Variants in EXOC1 observed in about 807,000 individuals in gnomAD.
EXOC1 encodes the protein exocyst complex component 1.
In EXOC1, 67 loss-of-function variants were observed where a neutral mutation model predicts 107.7. That is an observed-to-expected ratio of 0.62 (90% CI 0.51 to 0.76). The LOEUF is 0.76. EXOC1 is among the 30% of genes least tolerant of loss of function. The pLI is 0.00. For synonymous variants in EXOC1, 348 were observed against 353.5 expected (o/e 0.98, Z 0.17); for missense variants, 833 against 1,055.7 (o/e 0.79, Z 2.92).
chr4:55,856,276 C>T (rs1374629012), intron 1 of EXOC1, among the ~76,000 whole-genome samples: 2 of 152,130 alleles, frequency 1.3e-5, no homozygotes. Flanking sequence ...AGCTGGTCTA[C>T]AAACAGGGTG....
At position 55,872,097 on chromosome 4, in the gene EXOC1, A is replaced by G. The variant is rs1577712835; in HGVS notation, c.1074+139A>G. The G allele has an allele frequency of 8.8e-6, 7 of 798,118 alleles. No individual in the cohort carries two copies. The East Asian group carries it at 1.9e-4, about 22-fold the overall frequency. 49.4% of individuals were successfully genotyped at this position (798,118 alleles called of 1,614,324 possible). On this transcript the variant is annotated intron_variant, in intron 8 of 18. Coordinates refer to ENST00000381295, the MANE Select transcript of EXOC1 (RefSeq NM_001024924.2). ...ACATATTTGATTTTAAGATTTTGAA[A>G]TAGGAGCCTCTTTGCTCATAGATGT...
intron 18 of EXOC1, 138 bp downstream of exon 18, chr4:55,902,676 G>A (rs1263291874): frequency 9.0e-6 from 5 of 552,842 alleles, no homozygotes; most frequent in African/African-American, 2.0e-5. Context: ...AATGAATTGT[G>A]AGGAAGAAAG....
chr4:55,875,886 A>G (rs1341164747), intron 8 of EXOC1: 1 of 894,768 alleles, frequency 1.1e-6, no homozygotes, highest in Non-Finnish European at 1.3e-6. Flanking sequence ...GCAGCATAGT[A>G]AGACTCCATC....
chr4:55,880,606 CT>C (rs1489449234), intron 9 of EXOC1, among the ~76,000 whole-genome samples: 1 of 152,104 alleles, frequency 6.6e-6, no homozygotes, highest in Non-Finnish European at 1.5e-5. Flanking sequence ...GCTTTGTCCC[CT>C]AGTGAATATT....
At chr4:55,889,013 T>C (rs1459657558) in intron 11 of EXOC1, 81 bp downstream of exon 11, 1 of 1,475,614 alleles carries the variant, frequency 6.8e-7, no homozygotes, top group Non-Finnish European at 9.4e-7. Context: ...TGAAAAAAGG[T>C]AACACCAAAA....
chr4:55,869,646 T>C (rs956332459), intron 5 of EXOC1, among the ~76,000 whole-genome samples: 8 of 152,190 alleles, frequency 5.3e-5, no homozygotes, highest in Non-Finnish European at 1.0e-4. Flanking sequence ...GATTTTAAGA[T>C]GTTAAGGAAG....
Position 55,883,575 on chromosome 4 carries a change from GGTA to G in EXOC1, c.1225-247_1225-245del, listed in dbSNP as rs1306397958. On this transcript the variant is annotated intron_variant, in intron 9 of 18. Coordinates refer to ENST00000381295, the MANE Select transcript of EXOC1 (RefSeq NM_001024924.2). ...ACAGTGATATTTAAAATATGCAAAA[GGTA>G]ATATAGAAAAATGAAAATATAAATA... 2.0e-5 allele frequency: 6 copies of G among 302,324 alleles called. No individual in the cohort carries two copies. In the East Asian group the frequency reaches 4.8e-4, roughly 24 times the overall value. 18.7% of individuals were successfully genotyped at this position (302,324 alleles called of 1,614,324 possible). A position where few individuals can be genotyped will look rare whatever the true frequency, so the allele number is the denominator to read the frequency against.
In EXOC1 at chr4:55,899,897, T is replaced by C; in HGVS notation, c.2337+13T>C. On this transcript the variant is annotated intron_variant, in intron 17 of 18. Transcript: ENST00000381295. ...TGAAAAACTAAATGTAAATATATTT[T>C]CATTCAGTATTTTTCCTACTTTTGA... The C allele has an allele frequency of 6.3e-7, 1 of 1,588,916 alleles. No homozygotes were observed. The highest frequency in any genetic ancestry group is 1.4e-5 in the African/African-American group (1 of 74,024).
chr4:55,854,686 T>A (rs1168576695), intron 1 of EXOC1, among the ~76,000 whole-genome samples: 5 of 152,236 alleles, frequency 3.3e-5, no homozygotes, highest in Admixed American at 6.5e-5. Context: ...GGCTAACTCC[T>A]TTATGAGGTA....
chr4:55,895,709 A>G (rs1725122379), intron 15 of EXOC1, among the ~76,000 whole-genome samples: 1 of 152,228 alleles, frequency 6.6e-6, no homozygotes, highest in Non-Finnish European at 1.5e-5. Context: ...TAGAACCATA[A>G]TTGAATCCGT....
chr4:55,868,405 A>T lies in EXOC1; in HGVS notation c.485A>T (p.Glu162Val). The change falls in exon 5 of 19, where the codon GAG (glutamate) becomes GTG (valine). Residue 162 changes from glutamate to valine, a missense_variant. By Grantham distance (121) the Glu-to-Val change is moderately radical. Around this residue, in one of 2 missense-constraint regions of EXOC1, gnomAD observed 617 missense variants for 701.3 expected, o/e 0.88. Transcript: ENST00000381295. Reference sequence around the variant, plus strand: ...GAAGAAGTAGTAGATGAATACCAAGAGTTAAATGCAAGAGAAGAACAGGAT... The same window carrying T: ...GAAGAAGTAGTAGATGAATACCAAGTGTTAAATGCAAGAGAAGAACAGGAT... ...GDEEVVDEYQELNAREEQDIE... is the reference protein window; with the variant it reads ...GDEEVVDEYQVLNAREEQDIE... 6.2e-7 allele frequency: 1 copy of T among 1,613,858 alleles called. No homozygotes were observed. Among genetic ancestry groups the T allele is most frequent in the Non-Finnish European group, 8.5e-7 (1 of 1,179,834 alleles).
Position 55,904,695 on chromosome 4 carries a change from G to A in EXOC1, c.*200G>A. 2.4e-6 allele frequency: 1 copy of A among 422,142 alleles called. No individual in the cohort carries two copies. The highest frequency in any genetic ancestry group is 4.1e-6 in the Non-Finnish European group (1 of 246,202). 26.1% of individuals were successfully genotyped at this position (422,142 alleles called of 1,614,324 possible). On this transcript the variant is annotated 3_prime_UTR_variant, in exon 19 of 19. Coordinates refer to ENST00000381295, the MANE Select transcript of EXOC1 (RefSeq NM_001024924.2). ...TATAGCAGTTTTATTTGCCCTATAG[G>A]TTGCATACTAACTTAAGCATTCATG...
intron 16 of EXOC1, among the ~76,000 whole-genome samples, chr4:55,899,196 C>T (rs752663278): frequency 1.2e-4 from 19 of 152,046 alleles, no homozygotes; most frequent in Non-Finnish European, 2.4e-4. Context: ...ATTTATCTTT[C>T]CCCTTAACAG....
chr4:55,892,565 C>G, intron 13 of EXOC1, 70 bp from the exon 14 acceptor site: 1 of 1,252,912 alleles, frequency 8.0e-7, no homozygotes, highest in Middle Eastern at 1.9e-4. Context: ...ACTGAGCAGG[C>G]TTTTGCTATA....
chr4:55,879,212 C>T (rs886540293), intron 9 of EXOC1, among the ~76,000 whole-genome samples: 1 of 152,174 alleles, frequency 6.6e-6, no homozygotes, highest in African/African-American at 2.4e-5. Context: ...AAATACTTGC[C>T]TTCTCAGAGT....
At position 55,868,425 on chromosome 4, in the gene EXOC1, C is replaced by A; in HGVS notation, c.505C>A (p.Gln169Lys). ...EYQELNAREE[Q>K]DIEIMMEGCE... ...CCAAGAGTTAAATGCAAGAGAAGAA[C>A]AGGATATCGAAATAATGATGGAAGG... Residue 169 changes from glutamine to lysine, a missense_variant, in exon 5 of 19, where the codon CAG becomes AAG. Gln to Lys is a moderately conservative substitution (Grantham distance 53). This residue lies in a region of EXOC1 where 617 missense variants were observed against 701.3 expected (regional missense o/e 0.88). Transcript: ENST00000381295. 4.3e-6 allele frequency: 7 copies of A among 1,613,094 alleles called. No homozygotes were observed. Among genetic ancestry groups the A allele is most frequent in the Non-Finnish European group, 5.9e-6 (7 of 1,179,508 alleles).
intron 8 of EXOC1, chr4:55,875,594 A>G: frequency 7.1e-6 from 7 of 985,296 alleles, no homozygotes; most frequent in Non-Finnish European, 8.4e-6. Context: ...GTGCCTGAGT[A>G]AACAGTAGTA....
rs1032295515 is a variant in EXOC1, at chr4:55,890,204, A to C, written c.1376-19A>C. On this transcript the variant is annotated intron_variant, in intron 11 of 18. Coordinates refer to ENST00000381295, the MANE Select transcript of EXOC1 (RefSeq NM_001024924.2). ...TTATTTGTGAAGATCACAACTTTCA[A>C]AGTTTTATTATTTCTTAGGTCTTCA... is the stretch of plus-strand genomic sequence containing the variant. 1 of 1,611,906 alleles carries C rather than the reference A, an allele frequency of 6.2e-7. No individual in the cohort carries two copies. Among genetic ancestry groups the C allele is most frequent in the African/African-American group, 1.3e-5 (1 of 74,916 alleles).
chr4:55,896,647 TTTG>T, intron 15 of EXOC1, 67 bp from the exon 16 acceptor site: 1 of 1,248,860 alleles, frequency 8.0e-7, no homozygotes, highest in South Asian at 1.5e-5. Context: ...ATCTATATAT[TTTG>T]TTATGATTAT....
Sources: gnomAD v4.1 joint callset for allele counts (sites outside exome capture counted in the v4.1 genomes callset) on GRCh38, gnomAD v4.1.1 for gene constraint, gnomAD v4.1.1 regional missense constraint, MANE v1.5 for transcripts, NCBI Gene and HGNC (gene_info 2026-07-23, HGNC 2026-07-21) for gene names.